Variants in NEK1 observed in about 807,000 individuals in gnomAD.
NEK1 encodes the protein NIMA related kinase 1, also known as serine/threonine-protein kinase Nek1.
NEK1 carries 137 observed loss-of-function variants against 182.1 expected under a neutral mutation model. The observed-to-expected ratio is 0.75, with a 90% CI of 0.65 to 0.87. The LOEUF (loss-of-function observed/expected upper bound fraction) is 0.87. NEK1 is among the 40% of genes least tolerant of loss of function. The pLI is 0.00. For missense variants in NEK1, 1,391 were observed against 1,494.4 expected, an observed-to-expected ratio of 0.93 and a Z score of 1.14; for synonymous variants, 513 against 492.2, an observed-to-expected ratio of 1.04 and a Z score of -0.56.
intron 12 of NEK1, among the ~76,000 whole-genome samples, chr4:169,567,073 T>C (rs1763819302): frequency 6.7e-6 from 1 of 150,114 alleles, no homozygotes; most frequent in African/African-American, 2.5e-5. Context: ...TTGAGTGTAG[T>C]GAAGGTCCTG....
chr4:169,429,353 A>T (rs1437166635), intron 29 of NEK1, among the ~76,000 whole-genome samples: 1 of 152,178 alleles, frequency 6.6e-6, no homozygotes, highest in African/African-American at 2.4e-5. Flanking sequence ...GAAGGATCTG[A>T]AGAGTAGATA....
intron 18 of NEK1, chr4:169,554,203 A>C (rs116358199): frequency 0.066 from 9,986 of 152,386 alleles, 459 homozygotes; most frequent in East Asian, 0.17. Flanking sequence ...GGACTGCTTG[A>C]ACCCAGGAGT....
At chr4:169,422,680 C>G (rs1371744583) in intron 31 of NEK1, among the ~76,000 whole-genome samples, 1 of 152,104 alleles carries the variant, frequency 6.6e-6, no homozygotes, top group African/African-American at 2.4e-5. Context: ...TTTTTCTTGC[C>G]TCTTTTCCTC....
At position 169,509,519 on chromosome 4, in the gene NEK1, T is replaced by A. The variant is rs538278391; in HGVS notation, c.1666-667A>T. Among the ~76,000 whole-genome samples, 14 of 152,262 alleles carry A rather than the reference T, an allele frequency of 9.2e-5. No homozygotes were observed. In the South Asian group the frequency reaches 1.0e-3, roughly 11 times the overall value. ...TGGCTTATTGAATGTGTATTTTTTT[T>A]ATTCATCATCTCAATTTTCCTGCTT... On this transcript the variant is annotated intron_variant, in intron 19 of 35. Coordinates refer to ENST00000507142, the MANE Select transcript of NEK1 (RefSeq NM_001199397.3).
chr4:169,460,347 A>G (rs1355409696), intron 27 of NEK1, among the ~76,000 whole-genome samples: 1 of 152,052 alleles, frequency 6.6e-6, no homozygotes, highest in Non-Finnish European at 1.5e-5. Flanking sequence ...TTAAAAAAAA[A>G]AAAAGCTTGT....
At chr4:169,529,119 C>T (rs1473251753) in intron 19 of NEK1, among the ~76,000 whole-genome samples, 2 of 152,052 alleles carry the variant, frequency 1.3e-5, no homozygotes, top group Admixed American at 6.5e-5. Context: ...ATGGCTACAG[C>T]AACGCTTAGA....
At chr4:169,445,631 T>C (rs1272726120) in intron 27 of NEK1, among the ~76,000 whole-genome samples, 3 of 151,082 alleles carry the variant, frequency 2.0e-5, no homozygotes, top group Non-Finnish European at 4.4e-5. Context: ...TTGGTACACA[T>C]GGACACAAAG....
intron 19 of NEK1, among the ~76,000 whole-genome samples, chr4:169,536,007 A>G (rs1323265846): frequency 6.6e-6 from 1 of 151,252 alleles, no homozygotes; most frequent in Non-Finnish European, 1.5e-5. Flanking sequence ...GAAGAAAACT[A>G]CACAAGGCAG....
chr4:169,582,578 A>G (rs1357378490), intron 10 of NEK1, among the ~76,000 whole-genome samples: 1 of 152,150 alleles, frequency 6.6e-6, no homozygotes, highest in Non-Finnish European at 1.5e-5. Context: ...GGAAGAAAAC[A>G]GGTGGTTTAT....
intron 4 of NEK1, among the ~76,000 whole-genome samples, chr4:169,599,781 G>T (rs1293037505): frequency 2.6e-5 from 4 of 152,120 alleles, no homozygotes; most frequent in Non-Finnish European, 5.9e-5. Context: ...CAAACATGAA[G>T]ATGGGCACTG....
At chr4:169,486,414 C>T (rs1347858870) in intron 23 of NEK1, among the ~76,000 whole-genome samples, 1 of 152,180 alleles carries the variant, frequency 6.6e-6, no homozygotes, top group Non-Finnish European at 1.5e-5. Context: ...AGTCTGCCTA[C>T]TCTTGATGTC....
chr4:169,458,505 T>C (rs1007168010), intron 27 of NEK1, among the ~76,000 whole-genome samples: 2 of 151,842 alleles, frequency 1.3e-5, no homozygotes, highest in African/African-American at 4.8e-5. Flanking sequence ...AAGCGGATGG[T>C]TCACTTGACC....
chr4:169,585,647 T>G, intron 9 of NEK1, 98 bp from the exon 10 acceptor site: 1 of 711,798 alleles, frequency 1.4e-6, no homozygotes, highest in Non-Finnish European at 2.2e-6. Context: ...CAATATAGAA[T>G]AGAAACACAA....
chr4:169,599,158 C>T lies in NEK1; in HGVS notation c.254G>A (p.Gly85Glu). The T allele has an allele frequency of 6.2e-7, 1 of 1,613,350 alleles. No homozygotes were observed. Among genetic ancestry groups the T allele is most frequent in the Non-Finnish European group, 8.5e-7 (1 of 1,179,634 alleles). ...ATTTATTCGCTTAAACAGATCCCCTCCCTCACAGTAATCCATTACTATGTA... is the reference window on the plus strand; with the variant it reads ...ATTTATTCGCTTAAACAGATCCCCTTCCTCACAGTAATCCATTACTATGTA... ...SLYIVMDYCE[G>E]GDLFKRINAQ... The change falls in exon 5 of 36, where the codon GGA (glycine) becomes GAA (glutamate). Residue 85 changes from glycine to glutamate, a missense_variant. Gly to Glu is a moderately conservative substitution (Grantham distance 98). Around this residue, in one of 5 missense-constraint regions of NEK1, gnomAD observed 116 missense variants for 114.5 expected, o/e 1.01. Coordinates refer to ENST00000507142, the MANE Select transcript of NEK1 (RefSeq NM_001199397.3).
At chr4:169,481,401 G>A (rs1747977164) in intron 23 of NEK1, among the ~76,000 whole-genome samples, 1 of 152,154 alleles carries the variant, frequency 6.6e-6, no homozygotes, top group African/African-American at 2.4e-5. Context: ...ATTATCTATG[G>A]CTACAGCCTT....
chr4:169,501,092 G>T (rs550557023), intron 23 of NEK1, among the ~76,000 whole-genome samples: 2 of 152,238 alleles, frequency 1.3e-5, no homozygotes, highest in South Asian at 4.1e-4. Flanking sequence ...AAAAAGATCA[G>T]GGCTTGCTAC....
intron 27 of NEK1, among the ~76,000 whole-genome samples, chr4:169,451,761 G>T (rs1741824923): frequency 6.6e-6 from 1 of 152,158 alleles, no homozygotes; most frequent in Admixed American, 6.5e-5. Flanking sequence ...TCAAAAGCTA[G>T]CAGAAGGTGA....
At chr4:169,531,752 A>T (rs1429871115) in intron 19 of NEK1, among the ~76,000 whole-genome samples, 1 of 152,164 alleles carries the variant, frequency 6.6e-6, no homozygotes, top group Non-Finnish European at 1.5e-5. Flanking sequence ...ACGAGGAGGG[A>T]TATGCTAACT....
chr4:169,420,155 GC>G (rs1392560469), intron 31 of NEK1, among the ~76,000 whole-genome samples: 1 of 152,276 alleles, frequency 6.6e-6, no homozygotes, highest in Non-Finnish European at 1.5e-5. Context: ...GTCAGCCTAT[GC>G]CTACAGAGGG....
Sources: allele counts gnomAD v4.1 joint callset (sites outside exome capture counted in the v4.1 genomes callset), GRCh38; gene constraint gnomAD v4.1.1; regional missense constraint gnomAD v4.1.1; transcripts MANE v1.5; gene names NCBI Gene and HGNC (gene_info 2026-07-23, HGNC 2026-07-21).